CERKL: variants seen among roughly 807,000 people sequenced by gnomAD.
CERKL encodes the protein ceramide kinase-like protein.
A neutral mutation model predicts 63.4 loss-of-function variants in CERKL; 61 were observed. The observed-to-expected ratio is 0.96, with a 90% CI of 0.78 to 1.19. CERKL has a LOEUF of 1.19. Ranked by LOEUF, CERKL falls within the 50% of genes most tolerant of loss-of-function variation. The pLI, the probability that CERKL is intolerant of heterozygous loss-of-function variation, is 0.00. For missense variants in CERKL, 675 were observed against 655.5 expected, an observed-to-expected ratio of 1.03 and a Z score of -0.33; for synonymous variants, 250 against 230.5, an observed-to-expected ratio of 1.08 and a Z score of -0.77.
chr2:181,557,449 T>G (rs1455659534), intron 5 of CERKL, among the ~76,000 whole-genome samples: 1 of 152,194 alleles, frequency 6.6e-6, no homozygotes, highest in African/African-American at 2.4e-5. Context: ...TGTTTCAGCT[T>G]TCTGCATATG....
chr2:181,637,701 T>C (rs1253812139), intron 1 of CERKL, among the ~76,000 whole-genome samples: 1 of 152,280 alleles, frequency 6.6e-6, no homozygotes, highest in African/African-American at 2.4e-5. Flanking sequence ...ATAGTTTGTT[T>C]AGTAGATTTG....
At chr2:181,565,437 G>C (rs1688621483) in intron 4 of CERKL, 1 of 1,610,662 alleles carries the variant, frequency 6.2e-7, no homozygotes, top group Non-Finnish European at 8.5e-7. Context: ...ACTTGCCTTG[G>C]TTCTAACGTT....
Position 181,558,832 on chromosome 2 carries a change from C to T in CERKL, c.678-124G>A. 4 of 908,652 alleles carry T rather than the reference C, an allele frequency of 4.4e-6. No homozygotes were observed. The highest frequency in any genetic ancestry group is 7.0e-6 in the Non-Finnish European group (4 of 570,626). 56.3% of individuals were successfully genotyped at this position (908,652 alleles called of 1,614,324 possible). A position where few individuals can be genotyped will look rare whatever the true frequency, so the allele number is the denominator to read the frequency against. On this transcript the variant is annotated intron_variant, in intron 4 of 12. Transcript: ENST00000410087. The surrounding 1 kb of genome is among the most constrained non-coding windows in gnomAD (Gnocchi z 4.2). Reference sequence around the variant, plus strand: ...TATGTGCATAACTGCTCACATGTACCTTTAAACATGTTAATATGTGTCAAT... The same window carrying T: ...TATGTGCATAACTGCTCACATGTACTTTTAAACATGTTAATATGTGTCAAT...
chr2:181,626,750 G>A (rs1042282726), intron 1 of CERKL, among the ~76,000 whole-genome samples: 1 of 152,222 alleles, frequency 6.6e-6, no homozygotes, highest in Non-Finnish European at 1.5e-5. Flanking sequence ...ATACAAATCA[G>A]AAGAGGATAA....
At chr2:181,607,641 T>C (rs1685774253) in intron 1 of CERKL, among the ~76,000 whole-genome samples, 1 of 152,188 alleles carries the variant, frequency 6.6e-6, no homozygotes, top group Admixed American at 6.5e-5. Flanking sequence ...TTACCAGTCA[T>C]TTGCACCTGT....
At chr2:181,649,071 T>C (rs1435067991) in intron 1 of CERKL, among the ~76,000 whole-genome samples, 1 of 151,928 alleles carries the variant, frequency 6.6e-6, no homozygotes, top group Non-Finnish European at 1.5e-5. Context: ...TTCTTATCAA[T>C]AAAAACCTTG....
chr2:181,579,153 T>A (rs1684390050), intron 2 of CERKL, among the ~76,000 whole-genome samples: 1 of 152,018 alleles, frequency 6.6e-6, no homozygotes, highest in East Asian at 1.9e-4. Context: ...ACTTTCTGGA[T>A]AAGTTAATTG....
At chr2:181,642,331 G>A (rs1004067769) in intron 1 of CERKL, among the ~76,000 whole-genome samples, 19 of 152,130 alleles carry the variant, frequency 1.2e-4, no homozygotes, top group African/African-American at 2.9e-4. Context: ...TCCATTTCAC[G>A]TACATCTGTT....
At chr2:181,547,562 GA>G (rs1486677539) in intron 10 of CERKL, 55 bp downstream of exon 10, 37 of 1,425,182 alleles carry the variant, frequency 2.6e-5, no homozygotes, top group East Asian at 6.9e-5. Context: ...GGATACCCTG[GA>G]AAAAAAATGG....
intron 2 of CERKL, among the ~76,000 whole-genome samples, chr2:181,583,708 T>C (rs1028519769): frequency 6.6e-6 from 1 of 152,246 alleles, no homozygotes; most frequent in Non-Finnish European, 1.5e-5. Context: ...CTCTTATGTA[T>C]GATAAAATGT....
At chr2:181,585,140 A>G (rs1366413187) in intron 2 of CERKL, among the ~76,000 whole-genome samples, 2 of 152,038 alleles carry the variant, frequency 1.3e-5, no homozygotes, top group Admixed American at 1.3e-4. Context: ...AGTACATACC[A>G]TCACTTGACA....
chr2:181,586,415 T>C (rs1684770303), intron 2 of CERKL, among the ~76,000 whole-genome samples: 2 of 152,088 alleles, frequency 1.3e-5, no homozygotes, highest in African/African-American at 4.8e-5. Context: ...GAAAGCTATA[T>C]TGAGACACCT....
At chr2:181,622,493 G>T (rs1686500293) in intron 1 of CERKL, among the ~76,000 whole-genome samples, 1 of 152,094 alleles carries the variant, frequency 6.6e-6, no homozygotes, top group Admixed American at 6.6e-5. Flanking sequence ...ATATTTAAAA[G>T]AACATTTTCT....
At chr2:181,570,981 A>T (rs1688877282) in intron 3 of CERKL, among the ~76,000 whole-genome samples, 1 of 152,084 alleles carries the variant, frequency 6.6e-6, no homozygotes, top group African/African-American at 2.4e-5. Flanking sequence ...TCTTCCATAT[A>T]CTTTCAAATA....
At chr2:181,641,302 C>CATAT (rs1174454591) in intron 1 of CERKL, among the ~76,000 whole-genome samples, 61 of 96,980 alleles carry the variant, frequency 6.3e-4, no homozygotes, top group African/African-American at 1.0e-3. Context: ...TATGTGTATG[C>CATAT]ATATATATAT....
At chr2:181,655,595 A>C (rs1688121517) in intron 1 of CERKL, among the ~76,000 whole-genome samples, 1 of 152,270 alleles carries the variant, frequency 6.6e-6, no homozygotes. Context: ...CACATGCAGC[A>C]CAGGCAGAAT....
intron 11 of CERKL, among the ~76,000 whole-genome samples, chr2:181,540,412 A>G (rs932185452): frequency 2.0e-5 from 3 of 152,206 alleles, no homozygotes; most frequent in African/African-American, 7.2e-5. Flanking sequence ...AACTATGTTC[A>G]AGTCCTAACC....
chr2:181,572,450 A>C (rs988930215), intron 3 of CERKL, among the ~76,000 whole-genome samples: 1 of 152,204 alleles, frequency 6.6e-6, no homozygotes. Context: ...GCTTTGTAGT[A>C]TTCACATGTA....
intron 1 of CERKL, among the ~76,000 whole-genome samples, chr2:181,615,736 C>T (rs1429554732): frequency 1.3e-5 from 2 of 152,178 alleles, no homozygotes; most frequent in East Asian, 1.9e-4. Context: ...TAAATTTAAA[C>T]ACACTTTAAT....
Sources: gnomAD v4.1 joint callset for allele counts (sites outside exome capture counted in the v4.1 genomes callset) on GRCh38, gnomAD v4.1.1 for gene constraint, Gnocchi (gnomAD v3.1) non-coding constraint, MANE v1.5 for transcripts, NCBI Gene and HGNC (gene_info 2026-07-23, HGNC 2026-07-21) for gene names.